Variants in TIAM1 observed in about 807,000 individuals in gnomAD.
TIAM1 encodes the protein TIAM Rac1 associated GEF 1, also known as rho guanine nucleotide exchange factor TIAM1.
TIAM1 carries 65 observed loss-of-function variants against 163.5 expected under a neutral mutation model. That is an observed-to-expected ratio of 0.40 (90% CI 0.33 to 0.49). The LOEUF is 0.49. Ranked by LOEUF, TIAM1 falls within the 20% of genes least tolerant of loss-of-function variation. The probability of loss-of-function intolerance (pLI) is 0.77; values close to 1 mark genes in which losing one functional copy is unlikely to be tolerated. For missense variants in TIAM1, 1,789 were observed against 2,044.7 expected, an observed-to-expected ratio of 0.87 and a Z score of 2.41; for synonymous variants, 833 against 810.1, an observed-to-expected ratio of 1.03 and a Z score of -0.48.
intron 26 of TIAM1, among the ~76,000 whole-genome samples, chr21:31,125,643 T>C: frequency 6.6e-6 from 1 of 152,182 alleles, no homozygotes; most frequent in Admixed American, 6.5e-5. Flanking sequence ...GGTATGATCT[T>C]GGCTCATTGC....
chr21:31,323,465 T>C (rs1160200809), intron 2 of TIAM1, among the ~76,000 whole-genome samples: 1 of 152,108 alleles, frequency 6.6e-6, no homozygotes, highest in Non-Finnish European at 1.5e-5. Flanking sequence ...CCCAGCCACT[T>C]TGGGAGGCCA....
At chr21:31,317,783 A>C (rs999291369) in intron 2 of TIAM1, among the ~76,000 whole-genome samples, 1 of 152,162 alleles carries the variant, frequency 6.6e-6, no homozygotes, top group Non-Finnish European at 1.5e-5. Context: ...CTGCCTCAAA[A>C]AAAACCCCAA....
At chr21:31,307,532 C>T (rs2074760770) in intron 2 of TIAM1, among the ~76,000 whole-genome samples, 1 of 152,066 alleles carries the variant, frequency 6.6e-6, no homozygotes, top group Non-Finnish European at 1.5e-5. Context: ...GTTCTAGTCC[C>T]GGATCTACCC....
Position 31,228,220 on chromosome 21 carries a change from TAAAAAAAAAAAAAA to T in TIAM1, c.1585-2284_1585-2271del, listed in dbSNP as rs71191197. Among the ~76,000 whole-genome samples the T allele has an allele frequency of 5.0e-3, 81 of 16,256 alleles. 1 individual carries two copies. The highest frequency in any genetic ancestry group is 0.011 in the Admixed American group (9 of 830). 10.7% of individuals were successfully genotyped at this position (16,256 alleles called of 152,430 possible). A position where few individuals can be genotyped will look rare whatever the true frequency, so the allele number is the denominator to read the frequency against. On this transcript the variant is annotated intron_variant, in intron 6 of 27. Transcript: ENST00000541036. ...GCCACCATGCCCGGCCTCCTTTTTTTAAAAAAAAAAAAAAAAAAAAAAAAAAAAAAAAAAAAAAA... is the reference window on the plus strand; with the variant it reads ...GCCACCATGCCCGGCCTCCTTTTTTTAAAAAAAAAAAAAAAAAAAAAAAAA...
At chr21:31,189,564 T>C (rs1488323750) in intron 13 of TIAM1, among the ~76,000 whole-genome samples, 1 of 152,180 alleles carries the variant, frequency 6.6e-6, no homozygotes, top group East Asian at 1.9e-4. Context: ...CATAAGTTCC[T>C]TCTTTGAAGA....
At chr21:31,191,779 A>G (rs892734883) in intron 13 of TIAM1, among the ~76,000 whole-genome samples, 1 of 152,192 alleles carries the variant, frequency 6.6e-6, no homozygotes, top group Non-Finnish European at 1.5e-5. Context: ...TAATTCAGTG[A>G]CTTTAACAAA....
At chr21:31,517,925 C>T (rs1057453470) in intron 1 of TIAM1, among the ~76,000 whole-genome samples, 2 of 152,202 alleles carry the variant, frequency 1.3e-5, no homozygotes, top group Non-Finnish European at 2.9e-5. Flanking sequence ...TGCCTAGCCA[C>T]GTTTCCACAG....
intron 9 of TIAM1, among the ~76,000 whole-genome samples, chr21:31,215,370 C>T (rs1304725564): frequency 6.6e-6 from 1 of 151,892 alleles, no homozygotes; most frequent in South Asian, 2.1e-4. Flanking sequence ...GCAGGCAGAT[C>T]ACAGGGTCAG....
intron 10 of TIAM1, 28 bp from the exon 11 acceptor site, chr21:31,210,243 C>A: frequency 6.2e-7 from 1 of 1,609,822 alleles, no homozygotes; most frequent in Non-Finnish European, 8.5e-7. Context: ...GTTAGCAGGG[C>A]AGCAGCAGTG....
chr21:31,534,884 T>C (rs2048078055), intron 1 of TIAM1, among the ~76,000 whole-genome samples: 2 of 152,040 alleles, frequency 1.3e-5, no homozygotes, highest in South Asian at 4.1e-4. Flanking sequence ...GCTGGGAGGA[T>C]TACTGAGCCC....
At chr21:31,235,961 C>T (rs2088730713) in intron 6 of TIAM1, among the ~76,000 whole-genome samples, 1 of 152,242 alleles carries the variant, frequency 6.6e-6, no homozygotes, top group Non-Finnish European at 1.5e-5. Flanking sequence ...AGTGGGGCCC[C>T]TGCCAGGGCT....
chr21:31,400,944 A>G (rs1349190743), intron 2 of TIAM1, among the ~76,000 whole-genome samples: 3 of 152,128 alleles, frequency 2.0e-5, no homozygotes, highest in Admixed American at 2.0e-4. Context: ...TACAAAAATT[A>G]GCTGGGCATG....
At chr21:31,127,255 G>C in intron 25 of TIAM1, 103 bp from the exon 26 acceptor site, 7 of 999,416 alleles carry the variant, frequency 7.0e-6, no homozygotes, top group Non-Finnish European at 1.1e-5. Context: ...TAATAATGCA[G>C]AACACTGTAT....
intron 2 of TIAM1, among the ~76,000 whole-genome samples, chr21:31,284,903 GA>G (rs2073734333): frequency 6.6e-6 from 1 of 151,972 alleles, no homozygotes; most frequent in Non-Finnish European, 1.5e-5. Flanking sequence ...GGAAGTCAGG[GA>G]AAAAGGCACC....
chr21:31,373,407 C>T lies in TIAM1; in HGVS notation c.-368-33985G>A, dbSNP rs931441448. ...TTACAGTTCCACATGGCTGGGGAGG[C>T]CTCAGAATCATGGCAGGAAGCGAAA... On this transcript the variant is annotated intron_variant, in intron 2 of 28. Coordinates refer to the TIAM1 transcript ENST00000286827. Among the ~76,000 whole-genome samples the T allele has an allele frequency of 9.9e-5, 15 of 152,112 alleles. 1 individual carries two copies. In the East Asian group the frequency reaches 1.7e-3, roughly 18 times the overall value.
intron 1 of TIAM1, among the ~76,000 whole-genome samples, chr21:31,469,731 C>T (rs568943056): frequency 4.5e-4 from 68 of 152,032 alleles, no homozygotes; most frequent in Admixed American, 1.2e-3. Context: ...ACTCAGAAGG[C>T]TGAGGCAGAA....
chr21:31,180,306 G>C (rs1400720066), intron 15 of TIAM1, among the ~76,000 whole-genome samples: 1 of 151,942 alleles, frequency 6.6e-6, no homozygotes, highest in Non-Finnish European at 1.5e-5. Flanking sequence ...TTTACATCAG[G>C]GACAGCGAAT....
chr21:31,264,675 A>C (rs556062043), intron 4 of TIAM1, among the ~76,000 whole-genome samples: 1 of 152,178 alleles, frequency 6.6e-6, no homozygotes, highest in Non-Finnish European at 1.5e-5. Flanking sequence ...GGCTTCCCCT[A>C]CATCCTCCAT....
At position 31,223,606 on chromosome 21, in the gene TIAM1, A is replaced by C. The variant is rs372925434; in HGVS notation, c.1810-15T>G. ...CAGACAAAGATCTATGGTAGTGAAA[A>C]CACGGGAAAAGAAAAAGTGAGAAAA... On this transcript the variant is annotated splice_polypyrimidine_tract_variant and intron_variant, in intron 7 of 27. Coordinates refer to ENST00000541036, the MANE Select transcript of TIAM1 (RefSeq NM_001353694.2). 1.5e-5 allele frequency: 23 copies of C among 1,572,654 alleles called. No individual in the cohort carries two copies. In the African/African-American group the frequency reaches 2.9e-4, roughly 20 times the overall value.
Sources: allele counts gnomAD v4.1 joint callset (sites outside exome capture counted in the v4.1 genomes callset), GRCh38; gene constraint gnomAD v4.1.1; transcripts MANE v1.5; gene names NCBI Gene and HGNC (gene_info 2026-07-23, HGNC 2026-07-21).